TADA2A: variants seen among roughly 807,000 people sequenced by gnomAD.
The protein encoded by TADA2A is transcriptional adaptor 2A, also known as transcriptional adapter 2-alpha.
In TADA2A, 38 loss-of-function variants were observed where a neutral mutation model predicts 67.4. The observed-to-expected ratio is 0.56, with a 90% confidence interval of 0.44 to 0.74. TADA2A has a LOEUF of 0.74. Ranked by LOEUF, TADA2A falls within the 30% of genes least tolerant of loss-of-function variation. TADA2A has a pLI of 0.00. For synonymous variants in TADA2A, 192 were observed against 181.6 expected (o/e 1.06, Z -0.46); for missense variants, 454 against 547.0 (o/e 0.83, Z 1.70).
rs545136667 is a variant in TADA2A at position 37,422,114 on chromosome 17, C to T, written c.26-1395C>T. ...AGGCTGGAGTGCAGCGGCGCGATCT[C>T]GGCTCACTGCAACCTGTGCCTTCTG... On this transcript the variant is annotated intron_variant, in intron 2 of 15. Coordinates refer to ENST00000615182, the MANE Select transcript of TADA2A (RefSeq NM_001166105.3). Among the ~76,000 whole-genome samples the T allele has an allele frequency of 3.3e-4, 47 of 143,234 alleles. 4 individuals are homozygous for T. Among genetic ancestry groups the T allele is most frequent in the Non-Finnish European group, 6.9e-4 (44 of 64,220 alleles). The allele number at this position is 143,234 out of a possible 152,430, so 94.0% of individuals were successfully genotyped here. A position where few individuals can be genotyped will look rare whatever the true frequency, so the allele number is the denominator to read the frequency against.
chr17:37,458,296 C>T (rs1189306730), intron 8 of TADA2A, among the ~76,000 whole-genome samples: 1 of 152,148 alleles, frequency 6.6e-6, no homozygotes, highest in Non-Finnish European at 1.5e-5. Context: ...AATTTATAAT[C>T]TGAGTAATGC....
chr17:37,438,002 G>C, intron 5 of TADA2A, 173 bp downstream of exon 5: 1 of 620,476 alleles, frequency 1.6e-6, no homozygotes, highest in East Asian at 2.8e-5. Flanking sequence ...GTGTCGAAAT[G>C]TGTCACGAGG....
rs999195319 is a variant in TADA2A at position 37,420,284 on chromosome 17, C to G, written c.26-3225C>G. Among the ~76,000 whole-genome samples, 62 of 146,382 alleles carry G rather than the reference C, an allele frequency of 4.2e-4. 4 individuals carry two copies. Among genetic ancestry groups the G allele is most frequent in the African/African-American group, 1.5e-3 (59 of 40,550 alleles). Reference sequence around the variant, plus strand: ...GAGCAACATAGCAAGATTTGTTCTTCTGCATTAAAATTTAAAATGGGGGAA... The same window carrying G: ...GAGCAACATAGCAAGATTTGTTCTTGTGCATTAAAATTTAAAATGGGGGAA... On this transcript the variant is annotated intron_variant, in intron 2 of 15. Transcript: ENST00000615182.
intron 9 of TADA2A, among the ~76,000 whole-genome samples, chr17:37,460,110 C>T (rs1200277492): frequency 1.3e-5 from 2 of 149,674 alleles, no homozygotes; most frequent in East Asian, 4.0e-4. Context: ...GACAGGGTCT[C>T]ACAATGTTGC....
intron 11 of TADA2A, 140 bp downstream of exon 11, chr17:37,465,681 CA>C (rs1441568650): frequency 1.3e-5 from 19 of 1,477,108 alleles, no homozygotes; most frequent in Non-Finnish European, 1.6e-5. Flanking sequence ...TACCATGAGA[CA>C]AATTTGGGAC....
In TADA2A at chr17:37,423,735, A is replaced by G. The variant is rs889512323; in HGVS notation, c.132+120A>G. On this transcript the variant is annotated intron_variant, in intron 3 of 15. Coordinates refer to ENST00000615182, the MANE Select transcript of TADA2A (RefSeq NM_001166105.3). Reference sequence around the variant, plus strand: ...ATGTCTTATTAAATCTATTCCTTCCAATTTTTCTTTTTCTTTCTTTTTTTT... The same window carrying G: ...ATGTCTTATTAAATCTATTCCTTCCGATTTTTCTTTTTCTTTCTTTTTTTT... The G allele has an allele frequency of 2.6e-5, 19 of 725,478 alleles. No homozygotes were observed. The African/African-American group carries it at 2.9e-4, about 11-fold the overall frequency. The allele number at this position is 725,478 out of a possible 1,614,324, so 44.9% of individuals were successfully genotyped here. A position where few individuals can be genotyped will look rare whatever the true frequency, so the allele number is the denominator to read the frequency against.
chr17:37,411,441 G>A, intron 2 of TADA2A, 51 bp downstream of exon 2: 1 of 1,496,086 alleles, frequency 6.7e-7, no homozygotes, highest in Non-Finnish European at 9.3e-7. Context: ...TTTTTTTTTT[G>A]AGATGGACTC....
At chr17:37,469,527 G>A (rs1052343741) in intron 12 of TADA2A, among the ~76,000 whole-genome samples, 8 of 152,014 alleles carry the variant, frequency 5.3e-5, no homozygotes, top group South Asian at 2.1e-4. Context: ...CAGCTACTCC[G>A]GAGGCTGAGG....
chr17:37,407,706 A>G (rs2051646194), intron 1 of TADA2A, among the ~76,000 whole-genome samples: 1 of 150,574 alleles, frequency 6.6e-6, no homozygotes, highest in African/African-American at 2.5e-5. Context: ...TCCGCCTCCC[A>G]GGCTCAAGCG....
At chr17:37,461,063 G>A (rs2053536497) in intron 9 of TADA2A, among the ~76,000 whole-genome samples, 1 of 152,086 alleles carries the variant, frequency 6.6e-6, no homozygotes, top group Non-Finnish European at 1.5e-5. Context: ...TTGGCATCAG[G>A]GAGTGGTTTC....
At chr17:37,418,536 A>G (rs986009226) in intron 2 of TADA2A, among the ~76,000 whole-genome samples, 1 of 152,140 alleles carries the variant, frequency 6.6e-6, no homozygotes, top group African/African-American at 2.4e-5. Context: ...TGTCATGAAA[A>G]CATGTCCGCA....
chr17:37,474,038 C>T (rs2053844994), intron 14 of TADA2A, among the ~76,000 whole-genome samples: 1 of 152,200 alleles, frequency 6.6e-6, no homozygotes, highest in Non-Finnish European at 1.5e-5. Context: ...AACTGGATGA[C>T]ATCTGGGCAT....
At chr17:37,433,426 G>T (rs1031691411) in intron 4 of TADA2A, among the ~76,000 whole-genome samples, 1 of 152,116 alleles carries the variant, frequency 6.6e-6, no homozygotes, top group Non-Finnish European at 1.5e-5. Context: ...GAGAGGCTGC[G>T]GTAGGAGAAT....
chr17:37,463,420 C>T (rs1207560628), intron 10 of TADA2A, among the ~76,000 whole-genome samples: 1 of 151,782 alleles, frequency 6.6e-6, no homozygotes. Flanking sequence ...AGGGTTCAGT[C>T]AACAAGGTTA....
chr17:37,443,615 C>CA (rs1196908857), intron 7 of TADA2A, among the ~76,000 whole-genome samples: 2 of 152,122 alleles, frequency 1.3e-5, no homozygotes, highest in Non-Finnish European at 2.9e-5. Flanking sequence ...CAGGGGTTGA[C>CA]AAACTTATTC....
intron 2 of TADA2A, among the ~76,000 whole-genome samples, chr17:37,423,250 C>T (rs947986700): frequency 6.6e-6 from 1 of 152,078 alleles, no homozygotes; most frequent in Non-Finnish European, 1.5e-5. Flanking sequence ...ATAAATAAAT[C>T]AACAAACAAA....
At chr17:37,444,918 G>A (rs1045727354) in intron 8 of TADA2A, 150 bp downstream of exon 8, 3 of 723,306 alleles carry the variant, frequency 4.1e-6, no homozygotes, top group African/African-American at 3.6e-5. Flanking sequence ...TTACTGTGTT[G>A]TTGGATTTTG....
intron 4 of TADA2A, among the ~76,000 whole-genome samples, chr17:37,436,946 G>C (rs759416295): frequency 2.0e-4 from 31 of 151,798 alleles, no homozygotes; most frequent in Non-Finnish European, 3.1e-4. Flanking sequence ...GGCATTTATA[G>C]GTGATATGGA....
chr17:37,447,217 A>C (rs985900189), intron 8 of TADA2A, among the ~76,000 whole-genome samples: 7 of 152,190 alleles, frequency 4.6e-5, no homozygotes, highest in Admixed American at 1.3e-4. Context: ...GCGGGAGCGC[A>C]GTAGCGTGAT....
Sources: allele counts gnomAD v4.1 joint callset (sites outside exome capture counted in the v4.1 genomes callset), GRCh38; gene constraint gnomAD v4.1.1; transcripts MANE v1.5; gene names NCBI Gene and HGNC (gene_info 2026-07-23, HGNC 2026-07-21).